Variants in PRKCA observed in about 807,000 individuals in gnomAD.
PRKCA encodes the protein protein kinase C alpha, also known as protein kinase C alpha type.
In PRKCA, 27 loss-of-function variants were observed where a neutral mutation model predicts 87.0. The observed-to-expected ratio is 0.31, with a 90% CI of 0.23 to 0.43. PRKCA has a LOEUF of 0.43. PRKCA is among the 20% of genes least tolerant of loss of function. PRKCA has a pLI of 1.00. For synonymous variants in PRKCA, 329 were observed against 311.1 expected (o/e 1.06, Z -0.61); for missense variants, 518 against 852.3 (o/e 0.61, Z 4.88).
chr17:66,518,689 TA>T (rs1255842867), intron 3 of PRKCA, among the ~76,000 whole-genome samples: 1 of 152,198 alleles, frequency 6.6e-6, no homozygotes, highest in Non-Finnish European at 1.5e-5. Flanking sequence ...GTCACATCAT[TA>T]GAGAATACAT....
chr17:66,482,760 A>G (rs1915841962), intron 2 of PRKCA, among the ~76,000 whole-genome samples: 1 of 152,246 alleles, frequency 6.6e-6, no homozygotes, highest in Non-Finnish European at 1.5e-5. Context: ...ACTTTGGATT[A>G]AAGTAATATA....
chr17:66,753,716 G>A (rs542412052), intron 13 of PRKCA, among the ~76,000 whole-genome samples: 32 of 152,128 alleles, frequency 2.1e-4, no homozygotes, highest in Admixed American at 2.6e-4. Context: ...TCAAGGTGGC[G>A]CTCTGATCTG....
chr17:66,579,538 A>G (rs1030512621), intron 3 of PRKCA, among the ~76,000 whole-genome samples: 1 of 152,160 alleles, frequency 6.6e-6, no homozygotes, highest in Non-Finnish European at 1.5e-5. Context: ...TACCATCCCC[A>G]CTGCACACAT....
chr17:66,311,972 C>T (rs1193228344), intron 2 of PRKCA, among the ~76,000 whole-genome samples: 1 of 151,980 alleles, frequency 6.6e-6, no homozygotes, highest in Non-Finnish European at 1.5e-5. Context: ...TTTGAGTTTC[C>T]TTTTCTTTAT....
At chr17:66,711,807 A>G (rs1479968954) in intron 8 of PRKCA, among the ~76,000 whole-genome samples, 1 of 152,144 alleles carries the variant, frequency 6.6e-6, no homozygotes, top group Non-Finnish European at 1.5e-5. Flanking sequence ...CATCTAATAA[A>G]TAATGTTTTT....
chr17:66,443,086 C>T (rs1183616803), intron 2 of PRKCA, among the ~76,000 whole-genome samples: 1 of 152,114 alleles, frequency 6.6e-6, no homozygotes, highest in African/African-American at 2.4e-5. Context: ...TTAGTAGAAA[C>T]CTTATTTTAT....
chr17:66,513,821 CAG>C (rs1231357959), intron 3 of PRKCA, among the ~76,000 whole-genome samples: 1 of 152,124 alleles, frequency 6.6e-6, no homozygotes, highest in Non-Finnish European at 1.5e-5. Flanking sequence ...GTCACTACAG[CAG>C]AGTTAGTGTA....
At chr17:66,503,221 G>A (rs1916824581) in intron 3 of PRKCA, among the ~76,000 whole-genome samples, 1 of 152,236 alleles carries the variant, frequency 6.6e-6, no homozygotes, top group East Asian at 1.9e-4. Context: ...TTTGCCCCAT[G>A]TGTTTTTACC....
intron 7 of PRKCA, among the ~76,000 whole-genome samples, 194 bp downstream of exon 7, chr17:66,688,630 C>T (rs1403829178): frequency 1.3e-5 from 2 of 151,946 alleles, no homozygotes; most frequent in Admixed American, 1.3e-4. Context: ...TGGAGAAACC[C>T]CACCTCTACA....
rs1428713498 is a variant in PRKCA at position 66,687,255 on chromosome 17, A to C, written c.674A>C (p.Glu225Ala). The C allele has an allele frequency of 3.7e-6, 6 of 1,613,724 alleles. No individual in the cohort carries two copies. Among genetic ancestry groups the C allele is most frequent in the Non-Finnish European group, 5.1e-6 (6 of 1,179,866 alleles). The change falls in exon 6 of 17, where the codon GAG (glutamate) becomes GCG (alanine). Residue 225 changes from glutamate (E) to alanine (A), a missense_variant. Transcript: ENST00000413366. Reference sequence around the variant, plus strand: ...TCCACACTAAATCCGCAGTGGAATGAGTCCTTTACATTGTAAGTGGTCTCT... The same window carrying C: ...TCCACACTAAATCCGCAGTGGAATGCGTCCTTTACATTGTAAGTGGTCTCT... ...IRSTLNPQWN[E>A]SFTFKLKPSD...
intron 2 of PRKCA, among the ~76,000 whole-genome samples, chr17:66,374,893 A>T (rs772853718): frequency 6.6e-5 from 10 of 151,556 alleles, no homozygotes; most frequent in Admixed American, 1.3e-4. Flanking sequence ...ATGCCTGGCC[A>T]ATTTTTTATT....
At chr17:66,755,501 C>A (rs915098729) in intron 13 of PRKCA, among the ~76,000 whole-genome samples, 2 of 152,092 alleles carry the variant, frequency 1.3e-5, no homozygotes, top group Non-Finnish European at 2.9e-5. Flanking sequence ...TATTTGCGGG[C>A]GAGACACCAC....
intron 3 of PRKCA, among the ~76,000 whole-genome samples, chr17:66,524,452 A>G (rs986612638): frequency 6.6e-6 from 1 of 152,180 alleles, no homozygotes; most frequent in Non-Finnish European, 1.5e-5. Context: ...TCTCTACTCT[A>G]ATTTTAAATA....
chr17:66,748,282 T>G (rs1228781505), intron 13 of PRKCA, among the ~76,000 whole-genome samples: 1 of 152,244 alleles, frequency 6.6e-6, no homozygotes, highest in Non-Finnish European at 1.5e-5. Context: ...GCCAGATTCC[T>G]GTATTTTTAT....
At chr17:66,614,039 C>T (rs1264437552) in intron 3 of PRKCA, among the ~76,000 whole-genome samples, 1 of 152,080 alleles carries the variant, frequency 6.6e-6, no homozygotes, top group Admixed American at 6.5e-5. Context: ...GATCTGTGTG[C>T]CTTGGCCTCC....
intron 3 of PRKCA, among the ~76,000 whole-genome samples, chr17:66,555,751 C>G (rs1170522852): frequency 6.6e-6 from 1 of 152,018 alleles, no homozygotes; most frequent in Admixed American, 6.6e-5. Flanking sequence ...ATTGCTGAGA[C>G]TTCTATTATG....
intron 3 of PRKCA, among the ~76,000 whole-genome samples, chr17:66,579,198 A>G (rs1969341308): frequency 6.6e-6 from 1 of 152,184 alleles, no homozygotes; most frequent in Non-Finnish European, 1.5e-5. Flanking sequence ...GACAGACATC[A>G]AGCTAGTCAT....
chr17:66,622,545 G>A (rs1970716087), intron 3 of PRKCA, among the ~76,000 whole-genome samples: 1 of 152,192 alleles, frequency 6.6e-6, no homozygotes, highest in East Asian at 1.9e-4. Context: ...TTTTAATGTG[G>A]AAAACTGACA....
chr17:66,303,867 G>C (rs1298893232), intron 1 of PRKCA, among the ~76,000 whole-genome samples: 2 of 152,146 alleles, frequency 1.3e-5, no homozygotes, highest in African/African-American at 4.8e-5. Flanking sequence ...GGGCGTGGTG[G>C]CACACGCCTG....
Sources: allele counts gnomAD v4.1 joint callset (sites outside exome capture counted in the v4.1 genomes callset), GRCh38; gene constraint gnomAD v4.1.1; transcripts MANE v1.5; gene names NCBI Gene and HGNC (gene_info 2026-07-23, HGNC 2026-07-21).